Variants in CNKSR3 observed in about 807,000 individuals in gnomAD.
CNKSR3 encodes CNKSR family member 3.
In CNKSR3, 36 loss-of-function variants were observed where a neutral mutation model predicts 67.7. The observed-to-expected ratio is 0.53, with a 90% CI of 0.41 to 0.70. The LOEUF is 0.70. Among genes scored for constraint, CNKSR3 ranks in the 30% least tolerant of loss-of-function variants. CNKSR3 has a pLI of 0.00. For synonymous variants in CNKSR3, 281 were observed against 271.4 expected (o/e 1.04, Z -0.35); for missense variants, 630 against 695.2 (o/e 0.91, Z 1.05).
chr6:154,437,826 C>T (rs948306515), intron 4 of CNKSR3, among the ~76,000 whole-genome samples: 2 of 152,162 alleles, frequency 1.3e-5, no homozygotes, highest in African/African-American at 4.8e-5. Context: ...ACATATCAGT[C>T]TTACTCCTTC....
In CNKSR3 at chr6:154,448,897, C is replaced by G. The variant is rs374892170; in HGVS notation, c.216+1198G>C. 5.9e-5 allele frequency among the ~76,000 whole-genome samples: 9 copies of G among 152,172 alleles called. No individual in the cohort carries two copies. In the East Asian group the frequency reaches 9.6e-4, roughly 16 times the overall value. ...ATTCTCAGTGATGTAATTGTATATACCCCTGGCTGGGGTTCAGGGCATTAC... is the reference window on the plus strand; with the variant it reads ...ATTCTCAGTGATGTAATTGTATATAGCCCTGGCTGGGGTTCAGGGCATTAC... On this transcript the variant is annotated intron_variant, in intron 2 of 12. Coordinates refer to ENST00000607772, the MANE Select transcript of CNKSR3 (RefSeq NM_173515.4).
rs1322909271 is a variant in CNKSR3, at chr6:154,389,450, T to C, written c.*16904A>G. 1 of 152,274 alleles carries C rather than the reference T, an allele frequency of 6.6e-6. No homozygotes were observed. Among genetic ancestry groups the C allele is most frequent in the Non-Finnish European group, 1.5e-5 (1 of 68,042 alleles). 9.4% of individuals were successfully genotyped at this position (152,274 alleles called of 1,614,324 possible). A position where few individuals can be genotyped will look rare whatever the true frequency, so the allele number is the denominator to read the frequency against. On this transcript the variant is annotated 3_prime_UTR_variant, in exon 13 of 13. Coordinates refer to ENST00000607772, the MANE Select transcript of CNKSR3 (RefSeq NM_173515.4). ...CTCTATTCTGTTCCATTCACATATA[T>C]GTCTATCTGTTGGCCAGTAACATAC...
intron 1 of CNKSR3, among the ~76,000 whole-genome samples, chr6:154,488,084 T>C (rs1786714869): frequency 6.6e-6 from 1 of 152,198 alleles, no homozygotes; most frequent in Admixed American, 6.5e-5. Flanking sequence ...CAAACAAAAC[T>C]AGCAATAACA....
In CNKSR3 at chr6:154,492,143, C is replaced by G. The variant is rs73576849; in HGVS notation, c.52+17920G>C. Among the ~76,000 whole-genome samples, 130 of 152,322 alleles carry G rather than the reference C, an allele frequency of 8.5e-4. 1 individual carries two copies. Among genetic ancestry groups the G allele is most frequent in the African/African-American group, 3.1e-3 (128 of 41,582 alleles). ...ACTGACCTCACAGCAGTATTTGCCC[C>G]AGTTGATCACTACCTTGTTCTGGGA... On this transcript the variant is annotated intron_variant, in intron 1 of 12. Coordinates refer to ENST00000607772, the MANE Select transcript of CNKSR3 (RefSeq NM_173515.4).
chr6:154,453,162 C>T (rs1268666003), intron 1 of CNKSR3, among the ~76,000 whole-genome samples: 2 of 152,160 alleles, frequency 1.3e-5, no homozygotes, highest in African/African-American at 4.8e-5. Flanking sequence ...TTCATTAAAA[C>T]TAAAGTGAAA....
chr6:154,422,267 A>G (rs1785161681), intron 9 of CNKSR3, among the ~76,000 whole-genome samples: 1 of 152,184 alleles, frequency 6.6e-6, no homozygotes, highest in Non-Finnish European at 1.5e-5. Context: ...CTGGGATTAC[A>G]GGCGTGAGCC....
At chr6:154,486,814 A>AT (rs920959998) in intron 1 of CNKSR3, among the ~76,000 whole-genome samples, 2 of 151,950 alleles carry the variant, frequency 1.3e-5, no homozygotes, top group African/African-American at 2.4e-5. Flanking sequence ...TTTTTAAAAT[A>AT]TTTTTTAATT....
chr6:154,475,231 G>A (rs769997514), intron 1 of CNKSR3, among the ~76,000 whole-genome samples: 6 of 152,080 alleles, frequency 3.9e-5, no homozygotes, highest in Admixed American at 6.5e-5. Flanking sequence ...CAGAGAAGCC[G>A]GGAGGTAGAA....
At chr6:154,505,555 T>C (rs1026469367) in intron 1 of CNKSR3, among the ~76,000 whole-genome samples, 1 of 150,370 alleles carries the variant, frequency 6.7e-6, no homozygotes, top group East Asian at 2.1e-4. Context: ...TGGAGTGCAG[T>C]GGCACGATCT....
At chr6:154,466,745 G>A (rs1416436900) in intron 1 of CNKSR3, among the ~76,000 whole-genome samples, 4 of 151,540 alleles carry the variant, frequency 2.6e-5, no homozygotes, top group East Asian at 3.9e-4. Context: ...TCATCCTCCC[G>A]AGTAGCTGGG....
chr6:154,495,342 C>G (rs1429667848), intron 1 of CNKSR3, among the ~76,000 whole-genome samples: 1 of 150,368 alleles, frequency 6.7e-6, no homozygotes, highest in Non-Finnish European at 1.5e-5. Context: ...GCAGCTCCTT[C>G]CCAGAATTCA....
At position 154,456,707 on chromosome 6, in the gene CNKSR3, CAAAAAAAAAAAAAAAAA is replaced by C. The variant is rs10536163; in HGVS notation, c.53-6466_53-6450del. On this transcript the variant is annotated intron_variant, in intron 1 of 12. Transcript: ENST00000607772. ...AGGTGACAAGAATGAAACTCTGTCT[CAAAAAAAAAAAAAAAAA>C]AAAAAAAAAAAGTGACATGTGATGC... is the stretch of plus-strand genomic sequence containing the variant. 1.3e-4 allele frequency among the ~76,000 whole-genome samples: 6 copies of C among 45,392 alleles called. 1 individual carries two copies. Among genetic ancestry groups the C allele is most frequent in the South Asian group, 1.3e-3 (1 of 776 alleles). The allele number at this position is 45,392 out of a possible 152,430, so 29.8% of individuals were successfully genotyped here.
At chr6:154,418,467 A>G (rs1362173524) in intron 9 of CNKSR3, among the ~76,000 whole-genome samples, 3 of 152,178 alleles carry the variant, frequency 2.0e-5, no homozygotes, top group Middle Eastern at 6.8e-3. Flanking sequence ...CTCCTCTACC[A>G]TACATGCTCC....
intron 1 of CNKSR3, among the ~76,000 whole-genome samples, chr6:154,485,793 T>C (rs1205754064): frequency 1.3e-5 from 2 of 152,220 alleles, no homozygotes; most frequent in South Asian, 2.1e-4. Flanking sequence ...TAATCACCCT[T>C]CTGGTGGTTG....
intron 1 of CNKSR3, among the ~76,000 whole-genome samples, chr6:154,464,437 C>A (rs76038509): frequency 6.6e-6 from 1 of 152,158 alleles, no homozygotes; most frequent in Non-Finnish European, 1.5e-5. Flanking sequence ...AAGGCCTGGG[C>A]GGGGTGCAGT....
intron 1 of CNKSR3, among the ~76,000 whole-genome samples, chr6:154,482,719 A>G (rs1467412623): frequency 6.6e-6 from 1 of 152,218 alleles, no homozygotes; most frequent in Non-Finnish European, 1.5e-5. Context: ...GTATAGCATA[A>G]AGGGGACTAT....
intron 1 of CNKSR3, among the ~76,000 whole-genome samples, chr6:154,470,188 CT>C (rs869154714): frequency 1.9e-3 from 132 of 68,730 alleles, no homozygotes; most frequent in African/African-American, 3.5e-3. Flanking sequence ...ACTTTCTTTC[CT>C]TTTTTTTTTT....
intron 1 of CNKSR3, among the ~76,000 whole-genome samples, chr6:154,461,914 C>A (rs192396384): frequency 1.3e-5 from 2 of 152,106 alleles, no homozygotes; most frequent in Non-Finnish European, 2.9e-5. Context: ...GCAACCGATG[C>A]CTTTTACTTC....
At chr6:154,456,745 G>A (rs116622830) in intron 1 of CNKSR3, among the ~76,000 whole-genome samples, 3,197 of 139,558 alleles carry the variant, frequency 0.023, 68 homozygotes, top group African/African-American at 0.052. Context: ...AGTGACATGT[G>A]ATGCAAAAAT....
Sources: allele counts gnomAD v4.1 joint callset (sites outside exome capture counted in the v4.1 genomes callset), GRCh38; gene constraint gnomAD v4.1.1; transcripts MANE v1.5; gene names NCBI Gene and HGNC (gene_info 2026-07-23, HGNC 2026-07-21).